The following PRKAR1A variants were observed in gnomAD, a reference collection of about 807,000 sequenced individuals.
PRKAR1A encodes cAMP-dependent protein kinase type I-alpha regulatory subunit.
In PRKAR1A, 3 loss-of-function variants were observed where a neutral mutation model predicts 52.0. That is an observed-to-expected ratio of 0.06 (90% CI 0.03 to 0.15). The LOEUF is 0.15. Among genes scored for constraint, PRKAR1A ranks in the 10% least tolerant of loss-of-function variants. The pLI is 1.00. For missense variants in PRKAR1A, 240 were observed against 477.4 expected (o/e 0.50, Z 4.63); for synonymous variants, 188 against 168.4 (o/e 1.12, Z -0.90).
intron 2 of PRKAR1A, among the ~76,000 whole-genome samples, chr17:68,516,076 A>C (rs2143161976): frequency 6.6e-6 from 1 of 152,302 alleles, no homozygotes. Context: ...TATAGAGTAT[A>C]TCTGATAAAT....
intron 11 of PRKAR1A, among the ~76,000 whole-genome samples, chr17:68,544,432 A>C (rs1442477210): frequency 6.6e-6 from 1 of 152,160 alleles, no homozygotes; most frequent in Non-Finnish European, 1.5e-5. Context: ...TTGTGGTGTG[A>C]GTTCTGGCCT....
chr17:68,445,916 G>C, the PRKAR1A span, among the ~76,000 whole-genome samples: 1 of 152,178 alleles, frequency 6.6e-6, no homozygotes, highest in Non-Finnish European at 1.5e-5. Flanking sequence ...GCTCTCCCCG[G>C]AGATTCTGGT....
the PRKAR1A span, chr17:68,457,285 C>T: frequency 7.9e-6 from 12 of 1,527,692 alleles, no homozygotes; most frequent in Non-Finnish European, 1.1e-5. Flanking sequence ...GGACGACACC[C>T]CTGGGTCCTG....
At chr17:68,486,638 A>G in the PRKAR1A span, among the ~76,000 whole-genome samples, 37 of 139,986 alleles carry the variant, frequency 2.6e-4, no homozygotes, top group Middle Eastern at 4.0e-3. Flanking sequence ...CCTTCTCCTA[A>G]TTAGCTTTCT....
the PRKAR1A span, among the ~76,000 whole-genome samples, chr17:68,481,023 G>A: frequency 2.0e-5 from 3 of 152,166 alleles, no homozygotes; most frequent in African/African-American, 7.2e-5. Flanking sequence ...TAGCTTATCG[G>A]TCTAACAGTC....
At chr17:68,469,441 TC>T in the PRKAR1A span, among the ~76,000 whole-genome samples, 2 of 152,198 alleles carry the variant, frequency 1.3e-5, no homozygotes, top group Non-Finnish European at 2.9e-5. Context: ...ACTATCTGCC[TC>T]CTCCATCTAA....
chr17:68,550,074 G>T (rs1427831247), intron 11 of PRKAR1A, among the ~76,000 whole-genome samples: 5 of 152,136 alleles, frequency 3.3e-5, no homozygotes, highest in Admixed American at 3.3e-4. Context: ...ACAACGGGTT[G>T]ATGGTGGTGA....
the PRKAR1A span, among the ~76,000 whole-genome samples, chr17:68,429,417 C>CT: frequency 8.2e-4 from 125 of 152,134 alleles, 1 homozygote; most frequent in African/African-American, 2.6e-3. Flanking sequence ...GAAAACAGAT[C>CT]TGGAGGCTTT....
At chr17:68,431,762 C>CTGTGGG in the PRKAR1A span, among the ~76,000 whole-genome samples, 19 of 152,302 alleles carry the variant, frequency 1.2e-4, 1 homozygote, top group Non-Finnish European at 2.9e-5. Flanking sequence ...ATATGAACAC[C>CTGTGGG]CGTGGACAGG....
At chr17:68,538,093 C>T (rs2031372167), downstream of PRKAR1A, among the ~76,000 whole-genome samples, 1 of 152,210 alleles carries the variant, frequency 6.6e-6, no homozygotes, top group African/African-American at 2.4e-5. Flanking sequence ...GGAGAAGTTT[C>T]TAGTAGGTGA....
chr17:68,518,712 G>C (rs2085508579), intron 2 of PRKAR1A, among the ~76,000 whole-genome samples: 1 of 152,256 alleles, frequency 6.6e-6, no homozygotes, highest in Non-Finnish European at 1.5e-5. Context: ...TTGTCTTGGT[G>C]ATTAACATTT....
At chr17:68,547,408 C>T (rs2086620729) in intron 11 of PRKAR1A, among the ~76,000 whole-genome samples, 1 of 152,116 alleles carries the variant, frequency 6.6e-6, no homozygotes, top group South Asian at 2.1e-4. Context: ...TGGGGAAAGT[C>T]CCAGATGGTA....
At chr17:68,428,787 C>T in the PRKAR1A span, 1 of 1,493,302 alleles carries the variant, frequency 6.7e-7, no homozygotes, top group Non-Finnish European at 9.3e-7. Context: ...CTCTACACGA[C>T]CAGCTCTCGA....
At chr17:68,436,378 T>C in the PRKAR1A span, 1 of 1,613,550 alleles carries the variant, frequency 6.2e-7, no homozygotes, top group Non-Finnish European at 8.5e-7. Flanking sequence ...CACCGTCAAC[T>C]TACCAGGGAG....
the PRKAR1A span, among the ~76,000 whole-genome samples, chr17:68,437,016 A>ATGTGTGTGTGTGTGTGTG: frequency 0.023 from 3,396 of 144,590 alleles, 156 homozygotes; most frequent in African/African-American, 0.082. Flanking sequence ...ATATATATAT[A>ATGTGTGTGTGTGTGTGTG]TGTGTGTGTG....
chr17:68,417,742 T>TTTTTA, the PRKAR1A span, among the ~76,000 whole-genome samples: 67 of 108,698 alleles, frequency 6.2e-4, no homozygotes, highest in Non-Finnish European at 1.1e-3. Flanking sequence ...AATTTTTTTT[T>TTTTTA]TTTTTTTTTT....
chr17:68,523,587 G>C (rs1472692270), intron 3 of PRKAR1A, 138 bp from the exon 4 acceptor site: 1 of 704,060 alleles, frequency 1.4e-6, no homozygotes, highest in Non-Finnish European at 2.6e-6. Context: ...GATAGTACAA[G>C]TGTGTTGTAG....
chr17:68,415,290 T>C, the PRKAR1A span, among the ~76,000 whole-genome samples: 2,929 of 152,290 alleles, frequency 0.019, 103 homozygotes, highest in African/African-American at 0.066. Flanking sequence ...AATGATCATT[T>C]AGGAGCAGGT....
Position 68,533,066 on chromosome 17 carries a change from G to A in PRKAR1A, c.*2617G>A. ...AAGACAGATTGGTTCTGTGGCCTTG[G>A]AACTTTCCCAGACTTAATGGGGAAA... is the stretch of plus-strand genomic sequence containing the variant. On this transcript the variant is annotated 3_prime_UTR_variant, in exon 11 of 11. Transcript: ENST00000589228. 7 of 1,065,664 alleles carry A rather than the reference G, an allele frequency of 6.6e-6. No homozygotes were observed. The highest frequency in any genetic ancestry group is 8.0e-6 in the Non-Finnish European group (7 of 879,558). The allele number at this position is 1,065,664 out of a possible 1,614,324, so 66.0% of individuals were successfully genotyped here.
Sources: allele counts gnomAD v4.1 joint callset (sites outside exome capture counted in the v4.1 genomes callset), GRCh38; gene constraint gnomAD v4.1.1; transcripts MANE v1.5; gene names NCBI Gene and HGNC (gene_info 2026-07-23, HGNC 2026-07-21).